Variants in EFHD1 observed in about 807,000 individuals in gnomAD.
EFHD1 encodes EF-hand domain-containing protein D1.
EFHD1 carries 10 observed loss-of-function variants against 17.2 expected under a neutral mutation model. The observed-to-expected ratio is 0.58, with a 90% CI of 0.36 to 0.99. The LOEUF is 0.99. Ranked by LOEUF, EFHD1 falls within the 50% of genes least tolerant of loss-of-function variation. EFHD1 has a pLI of 0.01. For missense variants in EFHD1, 310 were observed against 327.5 expected (o/e 0.95, Z 0.41); for synonymous variants, 153 against 142.0 (o/e 1.08, Z -0.55).
intron 2 of EFHD1, among the ~76,000 whole-genome samples, chr2:232,664,492 A>G (rs1197137776): frequency 1.4e-5 from 2 of 147,930 alleles, no homozygotes; most frequent in African/African-American, 5.0e-5. Flanking sequence ...AGAAACAGGG[A>G]CTCACTTTGT....
At chr2:232,658,022 TCCTGAGTAGCTGAGATTA>T (rs1164204878) in intron 1 of EFHD1, among the ~76,000 whole-genome samples, 1 of 146,182 alleles carries the variant, frequency 6.8e-6, no homozygotes, top group Non-Finnish European at 1.5e-5. Flanking sequence ...TGCCTCAGCC[TCCTGAGTAGCTGAGATTA>T]CAGGCATGCG....
At chr2:232,679,232 C>T (rs528909679) in intron 3 of EFHD1, among the ~76,000 whole-genome samples, 23 of 151,922 alleles carry the variant, frequency 1.5e-4, no homozygotes, top group South Asian at 6.2e-4. Flanking sequence ...AATGGCAGAA[C>T]GGAAATGGTT....
rs1362882001 is a variant in EFHD1 at position 232,662,860 on chromosome 2, A to G, written c.361A>G (p.Lys121Glu). ...GATGGAGCTGAAGCTGATGATGGAG[A>G]AGCTGGGGGCCCCCCAGACCCACCT... is the stretch of plus-strand genomic sequence containing the variant. The part of the protein sequence containing the change: ...DLMELKLMME[K>E]LGAPQTHLGL... The change falls in exon 2 of 4, where the codon AAG becomes GAG. Residue 121 changes from lysine to glutamate, a missense_variant. Lys to Glu is a moderately conservative substitution (Grantham distance 56). Coordinates refer to ENST00000264059, the MANE Select transcript of EFHD1 (RefSeq NM_025202.4). 29 of 1,591,276 alleles carry G rather than the reference A, an allele frequency of 1.8e-5. No homozygotes were observed. Among genetic ancestry groups the G allele is most frequent in the Non-Finnish European group, 2.3e-5 (27 of 1,170,506 alleles).
intron 1 of EFHD1, among the ~76,000 whole-genome samples, chr2:232,617,939 ACT>A (rs1461435407): frequency 9.9e-6 from 1 of 101,030 alleles, no homozygotes; most frequent in Admixed American, 1.0e-4. Context: ...GCAGAACAAG[ACT>A]CAGTCTAAAA....
At chr2:232,643,874 GGA>G (rs1694477038) in intron 1 of EFHD1, among the ~76,000 whole-genome samples, 1 of 152,164 alleles carries the variant, frequency 6.6e-6, no homozygotes, top group African/African-American at 2.4e-5. Flanking sequence ...TACATGGGAG[GGA>G]CTTTTGATGT....
At chr2:232,635,112 A>C (rs1276465472) in intron 1 of EFHD1, among the ~76,000 whole-genome samples, 1 of 152,122 alleles carries the variant, frequency 6.6e-6, no homozygotes, top group African/African-American at 2.4e-5. Flanking sequence ...GCTTCCAGGC[A>C]CTGATCTGTG....
In EFHD1 at chr2:232,633,806, G is replaced by A; in HGVS notation, c.102G>A (p.Pro34=). The A allele has an allele frequency of 6.9e-7, 1 of 1,459,710 alleles. No individual in the cohort carries two copies. Among genetic ancestry groups the A allele is most frequent in the South Asian group, 1.3e-5 (1 of 75,116 alleles). The allele number at this position is 1,459,710 out of a possible 1,614,324, so 90.4% of individuals were successfully genotyped here. The part of the protein sequence containing the change: ...PQLAPLGAPA[P]EPKPEPEPPA... ...TGGCTCCCCTCGGCGCCCCAGCCCC[G>A]GAGCCCAAGCCCGAGCCCGAGCCTC... The change falls in exon 1 of 4, where the codon CCG becomes CCA. Residue 34 remains proline, a synonymous_variant. Coordinates refer to ENST00000264059, the MANE Select transcript of EFHD1 (RefSeq NM_025202.4).
intron 3 of EFHD1, among the ~76,000 whole-genome samples, chr2:232,678,623 A>G (rs777658746): frequency 2.6e-5 from 4 of 152,114 alleles, no homozygotes; most frequent in Non-Finnish European, 4.4e-5. Flanking sequence ...CGTCTCTACT[A>G]AAAAACAAAA....
intron 1 of EFHD1, among the ~76,000 whole-genome samples, chr2:232,613,863 T>C (rs1462288505): frequency 7.0e-6 from 1 of 143,196 alleles, no homozygotes; most frequent in African/African-American, 2.6e-5. Context: ...TATACACACA[T>C]AGACAAATAT....
chr2:232,614,092 CACAT>C (rs1215526807), intron 1 of EFHD1, among the ~76,000 whole-genome samples: 1 of 150,370 alleles, frequency 6.7e-6, no homozygotes, highest in Non-Finnish European at 1.5e-5. Context: ...CATATATACA[CACAT>C]ACACATGTAT....
intron 3 of EFHD1, among the ~76,000 whole-genome samples, chr2:232,674,605 G>T (rs1695138255): frequency 6.6e-6 from 1 of 152,122 alleles, no homozygotes; most frequent in African/African-American, 2.4e-5. Flanking sequence ...TATGTTTATA[G>T]GTCTGCCTCC....
At position 232,639,981 on chromosome 2, in the gene EFHD1, C is replaced by T. The variant is rs373494923; in HGVS notation, c.302+5975C>T. 1.2e-4 allele frequency among the ~76,000 whole-genome samples: 18 copies of T among 152,308 alleles called. No individual in the cohort carries two copies. The East Asian group carries it at 3.1e-3, about 26-fold the overall frequency. ...CGTGACTCACCACACTTGGCCTCCT[C>T]CACATTTTACAGTCCTCCCAGAACA... is the stretch of plus-strand genomic sequence containing the variant. On this transcript the variant is annotated intron_variant, in intron 1 of 3. Coordinates refer to ENST00000264059, the MANE Select transcript of EFHD1 (RefSeq NM_025202.4).
At chr2:232,649,542 G>A (rs182545195) in intron 1 of EFHD1, among the ~76,000 whole-genome samples, 76 of 152,290 alleles carry the variant, frequency 5.0e-4, no homozygotes, top group African/African-American at 1.8e-3. Context: ...CAAGTTGGGT[G>A]TGGGCAGCTT....
rs151210471 is a variant in EFHD1 at position 232,638,907 on chromosome 2, G to A, written c.302+4901G>A. Among the ~76,000 whole-genome samples the A allele has an allele frequency of 6.8e-4, 103 of 152,284 alleles. 1 individual carries two copies. Among genetic ancestry groups the A allele is most frequent in the African/African-American group, 2.3e-3 (97 of 41,566 alleles). On this transcript the variant is annotated intron_variant, in intron 1 of 3. Transcript: ENST00000264059. The stretch of plus-strand genomic sequence containing the variant: ...GGGGGGTAGGGTAAGAGGACCTAGG[G>A]CTTGTCTGAATTCTGGAGGATAGCT...
chr2:232,681,520 T>C, intron 3 of EFHD1, 65 bp from the exon 4 acceptor site: 1 of 1,570,308 alleles, frequency 6.4e-7, no homozygotes, highest in Admixed American at 1.8e-5. Context: ...GGCTCAGGTG[T>C]CAGCAGCTCC....
intron 3 of EFHD1, among the ~76,000 whole-genome samples, chr2:232,676,408 G>A (rs114669616): frequency 0.021 from 3,233 of 152,156 alleles, 62 homozygotes; most frequent in South Asian, 0.043. Context: ...CTTTTTTTCC[G>A]GGATCTGTCT....
intron 3 of EFHD1, among the ~76,000 whole-genome samples, chr2:232,672,867 C>T (rs1695104905): frequency 6.6e-6 from 1 of 152,090 alleles, no homozygotes; most frequent in African/African-American, 2.4e-5. Context: ...TCCTGGCCTG[C>T]CCAGTCCCCT....
rs1019984020 is a variant in EFHD1, at chr2:232,617,469, G to A, written c.14+11296G>A. ...TCGAGACTATCCTGGCTGACACGGC[G>A]AAACCCCGTCTTTACTAAAAAAAAA... On this transcript the variant is annotated intron_variant, in intron 1 of 3. Transcript: ENST00000409613. 6.1e-5 allele frequency among the ~76,000 whole-genome samples: 9 copies of A among 147,782 alleles called. No homozygotes were observed. In the South Asian group the frequency reaches 6.4e-4, roughly 11 times the overall value.
At chr2:232,679,761 A>G (rs1695242783) in intron 3 of EFHD1, among the ~76,000 whole-genome samples, 1 of 151,952 alleles carries the variant, frequency 6.6e-6, no homozygotes, top group South Asian at 2.1e-4. Context: ...AGATAATATA[A>G]TAACTGAATA....
Sources: allele counts gnomAD v4.1 joint callset (sites outside exome capture counted in the v4.1 genomes callset), GRCh38; gene constraint gnomAD v4.1.1; transcripts MANE v1.5; gene names NCBI Gene and HGNC (gene_info 2026-07-23, HGNC 2026-07-21).